PPFIA2: variants seen among roughly 807,000 people sequenced by gnomAD.
PPFIA2 encodes liprin-alpha-2.
PPFIA2 carries 46 observed loss-of-function variants against 175.5 expected under a neutral mutation model. That is an observed-to-expected ratio of 0.26 (90% CI 0.21 to 0.34). The LOEUF is 0.34. Ranked by LOEUF, PPFIA2 falls within the 10% of genes least tolerant of loss-of-function variation. The probability of loss-of-function intolerance (pLI) is 1.00; values close to 1 mark genes in which losing one functional copy is unlikely to be tolerated. For missense variants in PPFIA2, 1,179 were observed against 1,506.1 expected, an observed-to-expected ratio of 0.78 and a Z score of 3.60; for synonymous variants, 568 against 511.4, an observed-to-expected ratio of 1.11 and a Z score of -1.49.
chr12:81,547,009 C>T (rs999594296), intron 4 of PPFIA2, among the ~76,000 whole-genome samples: 3 of 152,012 alleles, frequency 2.0e-5, no homozygotes, highest in Admixed American at 6.6e-5. Flanking sequence ...CAGTGAGAAG[C>T]GTGGCAGATG....
At chr12:81,274,271 A>G (rs1242278502) in intron 28 of PPFIA2, among the ~76,000 whole-genome samples, 1 of 152,130 alleles carries the variant, frequency 6.6e-6, no homozygotes, top group Non-Finnish European at 1.5e-5. Context: ...AAATAAATCC[A>G]GTTTTCTTTG....
intron 4 of PPFIA2, among the ~76,000 whole-genome samples, chr12:81,582,375 A>G (rs542529716): frequency 6.6e-6 from 1 of 151,828 alleles, no homozygotes; most frequent in Non-Finnish European, 1.5e-5. Flanking sequence ...TATTGGCAGC[A>G]TTTCATATTA....
At chr12:81,352,501 C>A (rs2140917061) in intron 17 of PPFIA2, among the ~76,000 whole-genome samples, 1 of 151,714 alleles carries the variant, frequency 6.6e-6, no homozygotes, top group East Asian at 2.0e-4. Flanking sequence ...TTCCCTGGAG[C>A]CAGGAAGAGA....
chr12:81,755,016 C>G (rs1039022705), intron 2 of PPFIA2, among the ~76,000 whole-genome samples: 1 of 151,988 alleles, frequency 6.6e-6, no homozygotes, highest in Non-Finnish European at 1.5e-5. Context: ...TTCCCTTTTT[C>G]CTGTTAACTG....
rs544109306 is a variant in PPFIA2, at chr12:81,340,212, G to T, written c.2393+866C>A. On this transcript the variant is annotated intron_variant, in intron 20 of 32. Transcript: ENST00000549396. Reference sequence around the variant, plus strand: ...GTAATATTTTGAAGCTGAAGTAACTGATTTTTCCACATTAACAACAAAAAA... The same window carrying T: ...GTAATATTTTGAAGCTGAAGTAACTTATTTTTCCACATTAACAACAAAAAA... Among the ~76,000 whole-genome samples the T allele has an allele frequency of 4.5e-3, 679 of 152,072 alleles. 4 individuals carry two copies. The highest frequency in any genetic ancestry group is 7.3e-3 in the Non-Finnish European group (496 of 67,960).
intron 3 of PPFIA2, among the ~76,000 whole-genome samples, chr12:81,744,723 G>A (rs1165642975): frequency 6.6e-6 from 1 of 152,200 alleles, no homozygotes; most frequent in East Asian, 1.9e-4. Context: ...ACTGCGCCCA[G>A]CCACAAGAAA....
In PPFIA2 at chr12:81,642,769, T is replaced by TATTATATACATAC. The variant is rs1555549748; in HGVS notation, c.303+34021_303+34022insGTATGTATATAAT. Among the ~76,000 whole-genome samples the TATTATATACATAC allele has an allele frequency of 1.9e-4, 6 of 31,608 alleles. 2 individuals carry two copies. The highest frequency in any genetic ancestry group is 6.4e-4 in the Admixed American group (2 of 3,148). The allele number at this position is 31,608 out of a possible 152,430, so 20.7% of individuals were successfully genotyped here. A position where few individuals can be genotyped will look rare whatever the true frequency, so the allele number is the denominator to read the frequency against. On this transcript the variant is annotated intron_variant, in intron 4 of 32. Coordinates refer to ENST00000549396, the MANE Select transcript of PPFIA2 (RefSeq NM_003625.5). Reference sequence around the variant, plus strand: ...TGTATTATATACATACATGTATATGTATGTATGTATTATATACATACATGT... The same window carrying TATTATATACATAC: ...TGTATTATATACATACATGTATATGTATTATATACATACATGTATGTATTATATACATACATGT...
intron 21 of PPFIA2, among the ~76,000 whole-genome samples, chr12:81,327,528 GAAATGT>G (rs2055070522): frequency 6.6e-6 from 1 of 151,860 alleles, no homozygotes; most frequent in East Asian, 1.9e-4. Flanking sequence ...ATGTTTTCTT[GAAATGT>G]AAATGAAAAT....
At position 81,262,047 on chromosome 12, in the gene PPFIA2, A is replaced by G; in HGVS notation, c.3716-7T>C. 1 of 1,583,326 alleles carries G rather than the reference A, an allele frequency of 6.3e-7. No individual in the cohort carries two copies. The highest frequency in any genetic ancestry group is 8.6e-7 in the Non-Finnish European group (1 of 1,156,594). On this transcript the variant is annotated splice_polypyrimidine_tract_variant and splice_region_variant and intron_variant, in intron 31 of 32. Transcript: ENST00000549396. Reference sequence around the variant, plus strand: ...TGCAGTCTTGATGAAGCAACTGCAAATGGAGAAAAGGGCTTTAGAGGGACT... The same window carrying G: ...TGCAGTCTTGATGAAGCAACTGCAAGTGGAGAAAAGGGCTTTAGAGGGACT...
chr12:81,271,698 C>CT (rs1310902509), intron 28 of PPFIA2, among the ~76,000 whole-genome samples: 1 of 152,116 alleles, frequency 6.6e-6, no homozygotes, highest in African/African-American at 2.4e-5. Flanking sequence ...AATGCAAAGA[C>CT]TTTCAAATAA....
chr12:81,592,588 G>T (rs1159299209), intron 4 of PPFIA2, among the ~76,000 whole-genome samples: 1 of 152,034 alleles, frequency 6.6e-6, no homozygotes, highest in Non-Finnish European at 1.5e-5. Flanking sequence ...AGATCTGACG[G>T]TTTTAAAAAG....
intron 15 of PPFIA2, among the ~76,000 whole-genome samples, chr12:81,359,443 C>T (rs1485695126): frequency 6.7e-6 from 1 of 150,098 alleles, no homozygotes; most frequent in Non-Finnish European, 1.5e-5. Flanking sequence ...GGATAAGTTA[C>T]ATTTAAAAAA....
At chr12:81,533,186 T>G (rs2064846889) in intron 4 of PPFIA2, among the ~76,000 whole-genome samples, 1 of 151,632 alleles carries the variant, frequency 6.6e-6, no homozygotes, top group South Asian at 2.1e-4. Flanking sequence ...TTGGATAAAA[T>G]GTTCAAAATG....
At chr12:81,357,991 A>C in intron 16 of PPFIA2, 91 bp downstream of exon 16, 1 of 1,243,660 alleles carries the variant, frequency 8.0e-7, no homozygotes, top group Non-Finnish European at 1.1e-6. Flanking sequence ...AAATGCTAGC[A>C]TTTTCTAATT....
At chr12:81,443,548 C>G (rs2050626281) in intron 6 of PPFIA2, among the ~76,000 whole-genome samples, 1 of 151,886 alleles carries the variant, frequency 6.6e-6, no homozygotes, top group African/African-American at 2.4e-5. Flanking sequence ...CTTAAATGTA[C>G]TCACACGACC....
At chr12:81,596,523 G>A (rs10746193) in intron 4 of PPFIA2, among the ~76,000 whole-genome samples, 55,427 of 151,822 alleles carry the variant, frequency 0.37, 10,642 homozygotes, top group Middle Eastern at 0.44. Context: ...GTTGCAGTGT[G>A]TTTTCAAAGA....
At chr12:81,515,149 G>T (rs567116757) in intron 4 of PPFIA2, among the ~76,000 whole-genome samples, 11 of 152,006 alleles carry the variant, frequency 7.2e-5, no homozygotes, top group Non-Finnish European at 1.6e-4. Context: ...AAAACAAACT[G>T]CCAATTAAAA....
At chr12:81,706,952 A>G (rs890019861) in intron 3 of PPFIA2, among the ~76,000 whole-genome samples, 3 of 152,164 alleles carry the variant, frequency 2.0e-5, no homozygotes, top group African/African-American at 7.2e-5. Flanking sequence ...TGGTGCTGGG[A>G]AAACTGGCTA....
At chr12:81,292,434 A>G (rs947863815) in intron 24 of PPFIA2, 1 of 152,056 alleles carries the variant, frequency 6.6e-6, no homozygotes, top group African/African-American at 2.4e-5. Flanking sequence ...AACATGACCA[A>G]TCTCTCCCCT....
Sources: allele counts gnomAD v4.1 joint callset (sites outside exome capture counted in the v4.1 genomes callset), GRCh38; gene constraint gnomAD v4.1.1; transcripts MANE v1.5; gene names NCBI Gene and HGNC (gene_info 2026-07-23, HGNC 2026-07-21).